Variants in MNAT1 observed in about 807,000 individuals in gnomAD.
MNAT1 encodes the protein MNAT1 component of CDK activating kinase.
In MNAT1, 43 loss-of-function variants were observed where a neutral mutation model predicts 42.0. The ratio of observed to expected loss-of-function variants is 1.02; its 90% CI spans 0.80 to 1.32. The LOEUF (loss-of-function observed/expected upper bound fraction) is 1.32. MNAT1 is among the 40% of genes most tolerant of loss of function. The pLI is 0.00. For synonymous variants in MNAT1, 118 were observed against 120.0 expected (o/e 0.98, Z 0.11); for missense variants, 306 against 350.4 (o/e 0.87, Z 1.01).
intron 7 of MNAT1, among the ~76,000 whole-genome samples, chr14:60,910,586 TG>T (rs1188073131): frequency 4.6e-5 from 7 of 152,194 alleles, no homozygotes; most frequent in Non-Finnish European, 8.8e-5. Flanking sequence ...GAGATAATCA[TG>T]TTTTTTTGTC....
At chr14:60,789,907 T>C (rs777418801) in intron 1 of MNAT1, among the ~76,000 whole-genome samples, 13 of 152,306 alleles carry the variant, frequency 8.5e-5, no homozygotes, top group Non-Finnish European at 1.8e-4. Flanking sequence ...AAGCTTACGA[T>C]AGTATTCAAA....
At chr14:60,854,180 A>G (rs943578247) in intron 6 of MNAT1, among the ~76,000 whole-genome samples, 3 of 152,138 alleles carry the variant, frequency 2.0e-5, no homozygotes, top group Non-Finnish European at 4.4e-5. Flanking sequence ...TAAACTGGGT[A>G]TTCTAGTTAG....
chr14:60,775,404 A>G (rs1288209180), intron 1 of MNAT1, among the ~76,000 whole-genome samples: 1 of 152,252 alleles, frequency 6.6e-6, no homozygotes, highest in East Asian at 1.9e-4. Flanking sequence ...ACATAGCAGT[A>G]TAGACAACTC....
At chr14:60,744,217 C>T (rs902027978) in intron 1 of MNAT1, among the ~76,000 whole-genome samples, 11 of 152,040 alleles carry the variant, frequency 7.2e-5, no homozygotes, top group African/African-American at 2.7e-4. Flanking sequence ...CTGCAACCTC[C>T]ACCTCTTAGG....
chr14:60,763,324 T>A (rs975815348), intron 1 of MNAT1, among the ~76,000 whole-genome samples: 2 of 152,202 alleles, frequency 1.3e-5, no homozygotes, highest in Non-Finnish European at 2.9e-5. Flanking sequence ...TCATTTTAAA[T>A]GAATAATTAA....
intron 7 of MNAT1, among the ~76,000 whole-genome samples, chr14:60,958,577 C>G (rs1239643655): frequency 6.7e-6 from 1 of 150,000 alleles, no homozygotes; most frequent in African/African-American, 2.5e-5. Context: ...AGAAAGTTTT[C>G]TGACAGTATT....
At chr14:60,862,043 A>G (rs1291224556) in intron 6 of MNAT1, among the ~76,000 whole-genome samples, 1 of 152,228 alleles carries the variant, frequency 6.6e-6, no homozygotes, top group Non-Finnish European at 1.5e-5. Context: ...AGAAAACACA[A>G]GACAGTATAA....
chr14:60,956,296 C>T (rs904447885), intron 7 of MNAT1, among the ~76,000 whole-genome samples: 4 of 152,060 alleles, frequency 2.6e-5, no homozygotes, highest in African/African-American at 4.8e-5. Context: ...TTAATTTCCA[C>T]GTTTGTGAAT....
intron 6 of MNAT1, among the ~76,000 whole-genome samples, chr14:60,830,634 G>C (rs918817945): frequency 6.6e-6 from 1 of 151,982 alleles, no homozygotes; most frequent in Non-Finnish European, 1.5e-5. Flanking sequence ...TTTTCCTTTG[G>C]AATTTTATCA....
At chr14:60,766,665 G>A (rs949933673) in intron 1 of MNAT1, among the ~76,000 whole-genome samples, 21 of 150,178 alleles carry the variant, frequency 1.4e-4, no homozygotes, top group Admixed American at 9.9e-4. Context: ...TGAGCTGATC[G>A]CGCCACTGCA....
At chr14:60,776,812 T>C (rs2031269839) in intron 1 of MNAT1, among the ~76,000 whole-genome samples, 1 of 152,120 alleles carries the variant, frequency 6.6e-6, no homozygotes. Context: ...TGGACTTGTA[T>C]AGTGTTGTGG....
intron 7 of MNAT1, among the ~76,000 whole-genome samples, chr14:60,966,158 A>C (rs926892469): frequency 6.6e-6 from 1 of 151,372 alleles, no homozygotes; most frequent in African/African-American, 2.4e-5. Context: ...ACAGGGTCTC[A>C]CTCTGTTGCC....
chr14:60,750,616 G>A (rs1476154549), intron 1 of MNAT1, among the ~76,000 whole-genome samples: 7 of 149,398 alleles, frequency 4.7e-5, no homozygotes, highest in African/African-American at 1.7e-4. Context: ...AGATGTGAAA[G>A]TGGGCTTTAT....
At chr14:60,841,596 C>A (rs1472544968) in intron 6 of MNAT1, among the ~76,000 whole-genome samples, 1 of 152,130 alleles carries the variant, frequency 6.6e-6, no homozygotes, top group Non-Finnish European at 1.5e-5. Context: ...CTGCTAATTT[C>A]ACATTTCTGT....
intron 1 of MNAT1, among the ~76,000 whole-genome samples, chr14:60,744,673 C>G (rs1896562886): frequency 6.6e-6 from 1 of 152,130 alleles, no homozygotes; most frequent in Non-Finnish European, 1.5e-5. Flanking sequence ...ATGTGGAGAA[C>G]CCATTGTTTC....
intron 6 of MNAT1, among the ~76,000 whole-genome samples, chr14:60,826,828 AC>A (rs1387173488): frequency 6.6e-6 from 1 of 152,126 alleles, no homozygotes; most frequent in Non-Finnish European, 1.5e-5. Flanking sequence ...GGTTATGGTT[AC>A]TATTCTTCAT....
At chr14:60,769,461 T>G (rs1027425968) in intron 1 of MNAT1, among the ~76,000 whole-genome samples, 1 of 151,942 alleles carries the variant, frequency 6.6e-6, no homozygotes, top group Non-Finnish European at 1.5e-5. Flanking sequence ...ATTTTATTTT[T>G]TTTCAGATAT....
Position 60,764,979 on chromosome 14 carries a change from G to T in MNAT1, c.89+30028G>T, listed in dbSNP as rs185713326. Among the ~76,000 whole-genome samples the T allele has an allele frequency of 8.5e-5, 13 of 152,280 alleles. No homozygotes were observed. In the East Asian group the frequency reaches 2.5e-3, roughly 29 times the overall value. Reference sequence around the variant, plus strand: ...AGAGTTTGGAATATAGGCCAGGCGCGGTTGCTCATGCTTGTAATCCCAGCA... The same window carrying T: ...AGAGTTTGGAATATAGGCCAGGCGCTGTTGCTCATGCTTGTAATCCCAGCA... On this transcript the variant is annotated intron_variant, in intron 1 of 7. Transcript: ENST00000261245.
chr14:60,735,786 A>G (rs561948276), intron 1 of MNAT1, among the ~76,000 whole-genome samples: 1 of 152,364 alleles, frequency 6.6e-6, no homozygotes, highest in African/African-American at 2.4e-5. Context: ...GTTTCTTGCC[A>G]GATTTCTTGT....
Sources: allele counts gnomAD v4.1 joint callset (sites outside exome capture counted in the v4.1 genomes callset), GRCh38; gene constraint gnomAD v4.1.1; transcripts MANE v1.5; gene names NCBI Gene and HGNC (gene_info 2026-07-23, HGNC 2026-07-21).